Variants in GPC3 observed in about 807,000 individuals in gnomAD.
The protein encoded by GPC3 is glypican-3.
GPC3 carries 3 observed loss-of-function variants against 34.4 expected under a neutral mutation model. The observed-to-expected ratio is 0.09, with a 90% CI of 0.04 to 0.23. The LOEUF (loss-of-function observed/expected upper bound fraction) is 0.23, where lower values mean the gene tolerates loss of function less well. Ranked by LOEUF, GPC3 falls within the 10% of genes least tolerant of loss-of-function variation. The pLI is 1.00. For missense variants in GPC3, 351 were observed against 445.6 expected, an observed-to-expected ratio of 0.79 and a Z score of 1.91; for synonymous variants, 177 against 174.0, an observed-to-expected ratio of 1.02 and a Z score of -0.13.
intron 2 of GPC3, among the ~76,000 whole-genome samples, chrX:133,860,495 T>G (rs905539107): frequency 8.9e-6 from 1 of 111,991 alleles, no homozygotes; most frequent in Non-Finnish European, 1.9e-5. Flanking sequence ...TAGCATTTAA[T>G]GAGTGCTTAC....
intron 2 of GPC3, among the ~76,000 whole-genome samples, chrX:133,886,214 A>C (rs773596164): frequency 7.5e-4 from 83 of 110,444 alleles, no homozygotes; most frequent in Non-Finnish European, 1.1e-3. Flanking sequence ...CAGAGATTAG[A>C]ACTCAGATTC....
chrX:133,691,099 A>C (rs1373882154), intron 5 of GPC3, among the ~76,000 whole-genome samples: 3 of 112,105 alleles, frequency 2.7e-5, no homozygotes, highest in African/African-American at 9.7e-5. Context: ...GGCACTTAGA[A>C]GGTGCTCAGT....
chrX:133,965,783 A>T (rs1488036224), intron 1 of GPC3, among the ~76,000 whole-genome samples: 1 of 111,888 alleles, frequency 8.9e-6, no homozygotes, highest in Non-Finnish European at 1.9e-5. Context: ...ACTTTGGTTA[A>T]GCCATTTCAT....
At chrX:133,882,194 T>A (rs1169082814) in intron 2 of GPC3, among the ~76,000 whole-genome samples, 1 of 111,928 alleles carries the variant, frequency 8.9e-6, no homozygotes, top group Non-Finnish European at 1.9e-5. Flanking sequence ...CAATCCATTC[T>A]CTTTCCTCTA....
chrX:133,670,128 G>A (rs779271223), intron 5 of GPC3, among the ~76,000 whole-genome samples: 3 of 111,730 alleles, frequency 2.7e-5, no homozygotes, highest in Non-Finnish European at 5.6e-5. Context: ...TAAAATAGGC[G>A]ATCTTTTCTT....
At chrX:133,855,549 A>ATATATATATATATAT (rs1569445704) in intron 2 of GPC3, among the ~76,000 whole-genome samples, 8 of 105,895 alleles carry the variant, frequency 7.6e-5, no homozygotes, top group East Asian at 3.0e-4. Context: ...ATATATATAT[A>ATATATATATATATAT]GTAAAATGGT....
At chrX:133,785,027 A>C (rs1332111533) in intron 2 of GPC3, among the ~76,000 whole-genome samples, 2 of 111,744 alleles carry the variant, frequency 1.8e-5, no homozygotes, top group African/African-American at 3.3e-5. Flanking sequence ...AGATCAGTGG[A>C]AATGCTGAGG....
intron 2 of GPC3, among the ~76,000 whole-genome samples, chrX:133,799,216 A>G (rs1187065590): frequency 9.0e-6 from 1 of 111,557 alleles, no homozygotes; most frequent in Non-Finnish European, 1.9e-5. Context: ...ACATGGTAAA[A>G]CATTGTCTCT....
Position 133,984,829 on chromosome X carries a change from G to GT in GPC3, c.175+445dup, listed in dbSNP as rs3216858. ...CCAGGCTGGGTAAAGGCGGCGGGGG[G>GT]TGGGGGTACGTTGGGGAAGGGATGG... On this transcript the variant is annotated intron_variant, in intron 1 of 7. Transcript: ENST00000370818. Among the ~76,000 whole-genome samples the GT allele has an allele frequency of 2.3e-4, 25 of 107,060 alleles. No individual in the cohort carries two copies. The East Asian group carries it at 7.2e-3, about 31-fold the overall frequency. The allele number at this position is 107,060 out of a possible 115,157, so 93.0% of individuals were successfully genotyped here.
At chrX:133,719,999 C>T (rs1392607086) in intron 3 of GPC3, among the ~76,000 whole-genome samples, 1 of 111,811 alleles carries the variant, frequency 8.9e-6, no homozygotes, top group Non-Finnish European at 1.9e-5. Flanking sequence ...ATTCAAACCA[C>T]GATGAGATAC....
At chrX:133,801,138 T>C (rs1319921535) in intron 2 of GPC3, among the ~76,000 whole-genome samples, 3 of 111,721 alleles carry the variant, frequency 2.7e-5, no homozygotes, top group Non-Finnish European at 5.7e-5. Flanking sequence ...ATTCTGAAAC[T>C]TTCTGGTAAG....
chrX:133,668,868 A>C (rs992426633), intron 5 of GPC3, among the ~76,000 whole-genome samples: 1 of 111,376 alleles, frequency 9.0e-6, no homozygotes, highest in Non-Finnish European at 1.9e-5. Flanking sequence ...GCTTTCTTAG[A>C]GAGAAATGAT....
chrX:133,620,546 C>T (rs923200292), intron 6 of GPC3, among the ~76,000 whole-genome samples: 1 of 111,405 alleles, frequency 9.0e-6, no homozygotes, highest in Admixed American at 9.6e-5. Flanking sequence ...GAATGGACCA[C>T]TCCTTGCTCA....
At chrX:133,966,295 C>T (rs2076463104) in intron 1 of GPC3, among the ~76,000 whole-genome samples, 1 of 112,240 alleles carries the variant, frequency 8.9e-6, no homozygotes, top group South Asian at 3.7e-4. Context: ...ATAAAGGGAG[C>T]TAGGCAATAA....
At chrX:133,631,889 T>C (rs1459626655) in intron 6 of GPC3, among the ~76,000 whole-genome samples, 3 of 109,940 alleles carry the variant, frequency 2.7e-5, no homozygotes, top group African/African-American at 1.0e-4. Context: ...ATGAGCATTT[T>C]TCATGTGCTT....
intron 2 of GPC3, among the ~76,000 whole-genome samples, chrX:133,764,715 C>T (rs1414898892): frequency 8.9e-6 from 1 of 111,985 alleles, no homozygotes; most frequent in Non-Finnish European, 1.9e-5. Flanking sequence ...GTAAAAGCCA[C>T]TGGGGTTTAG....
intron 2 of GPC3, among the ~76,000 whole-genome samples, chrX:133,940,261 G>A (rs185115340): frequency 9.1e-6 from 1 of 110,463 alleles, no homozygotes; most frequent in East Asian, 2.9e-4. Context: ...CTCCATTACT[G>A]TACAGATTCC....
chrX:133,558,300 T>TG (rs1373962417), intron 7 of GPC3, among the ~76,000 whole-genome samples: 1 of 107,873 alleles, frequency 9.3e-6, no homozygotes, highest in Admixed American at 9.9e-5. Context: ...TTGGGCTTTT[T>TG]TTTTTTTTCT....
intron 3 of GPC3, among the ~76,000 whole-genome samples, chrX:133,732,994 C>T (rs1286049739): frequency 2.7e-5 from 3 of 111,195 alleles, no homozygotes; most frequent in African/African-American, 9.8e-5. Flanking sequence ...CCTCGTAAAG[C>T]TGGGACCACA....
Sources: gnomAD v4.1 joint callset for allele counts (sites outside exome capture counted in the v4.1 genomes callset) on GRCh38, gnomAD v4.1.1 for gene constraint, MANE v1.5 for transcripts, NCBI Gene and HGNC (gene_info 2026-07-23, HGNC 2026-07-21) for gene names.